Variants in DQX1 observed in about 807,000 individuals in gnomAD.
DQX1 encodes the protein DEAQ-box RNA dependent ATPase 1.
DQX1 carries 66 observed loss-of-function variants against 81.3 expected under a neutral mutation model. That is an observed-to-expected ratio of 0.81 (90% CI 0.67 to 1.00). The LOEUF is 1.00. Among genes scored for constraint, DQX1 ranks in the 50% least tolerant of loss-of-function variants. The pLI is 0.00. For missense variants in DQX1, 798 were observed against 867.9 expected (o/e 0.92, Z 1.01); for synonymous variants, 290 against 350.0 (o/e 0.83, Z 1.91).
rs201543859 is a variant in DQX1, at chr2:74,519,965, G to C, written c.1565C>G (p.Thr522Arg). 1 of 1,614,194 alleles carries C rather than the reference G, an allele frequency of 6.2e-7. No individual in the cohort carries two copies. Among genetic ancestry groups the C allele is most frequent in the Middle Eastern group, 1.6e-4 (1 of 6,062 alleles). The change falls in exon 9 of 12, where the codon ACG becomes AGG. Residue 522 changes from threonine (T) to arginine (R), a missense_variant. Coordinates refer to ENST00000404568, the MANE Select transcript of DQX1 (RefSeq NM_133637.3). ...GATCAGAGAACTGTGGTCACCATCC[G>C]TGTGTTCCAGGGCCCGACGCAGGGC... ...EAALRRALEHTDGDHSSLIQV... is the reference protein window; with the variant it reads ...EAALRRALEHRDGDHSSLIQV...
In DQX1 at chr2:74,518,615, GT is replaced by G; in HGVS notation, c.1998-14del. Reference sequence around the variant, plus strand: ...CAATTCCACCAGCCTAATAGAGAGAGTCATAATTAGATGATCTGCATCTTCT... The same window carrying G: ...CAATTCCACCAGCCTAATAGAGAGAGCATAATTAGATGATCTGCATCTTCT... On this transcript the variant is annotated splice_polypyrimidine_tract_variant and intron_variant, in intron 11 of 11. Coordinates refer to ENST00000404568, the MANE Select transcript of DQX1 (RefSeq NM_133637.3). 1 of 1,612,570 alleles carries G rather than the reference GT, an allele frequency of 6.2e-7. No homozygotes were observed. Among genetic ancestry groups the G allele is most frequent in the Non-Finnish European group, 8.5e-7 (1 of 1,178,772 alleles).
chr2:74,523,986 T>C lies in DQX1; in HGVS notation c.753A>G (p.Ala251=). Residue 251 remains alanine, a synonymous_variant, in exon 4 of 12, where the codon GCA becomes GCG. Coordinates refer to ENST00000404568, the MANE Select transcript of DQX1 (RefSeq NM_133637.3). The part of the protein sequence containing the change: ...PPDRVEAACQ[A]VLELCRKELP... ...GCTCCTTCCGACACAATTCAAGCAC[T>C]GCTTGGCAGGCAGCTTCCACCCGAT... 6.2e-7 allele frequency: 1 copy of C among 1,613,972 alleles called. No individual in the cohort carries two copies. Among genetic ancestry groups the C allele is most frequent in the African/African-American group, 1.3e-5 (1 of 75,054 alleles).
Position 74,523,977 on chromosome 2 carries a change from T to C in DQX1, c.762A>G (p.Glu254=), listed in dbSNP as rs1675107951. 3 of 1,613,240 alleles carry C rather than the reference T, an allele frequency of 1.9e-6. No individual in the cohort carries two copies. The highest frequency in any genetic ancestry group is 2.5e-6 in the Non-Finnish European group (3 of 1,179,316). The change falls in exon 4 of 12, where the codon GAA becomes GAG. Residue 254 remains glutamate, a synonymous_variant. Transcript: ENST00000404568. ...CTCCTGGAAGCTCCTTCCGACACAA[T>C]TCAAGCACTGCTTGGCAGGCAGCTT... ...RVEAACQAVL[E]LCRKELPGDV... is the part of the protein sequence containing the mutation.
chr2:74,522,789 C>T lies in DQX1; in HGVS notation c.1304-18G>A, dbSNP rs774069999. ...TTCTGGAGCTGGTGAGGAAACAGGG[C>T]TTACAGGATATGAAGTTTCAGAACT... is the stretch of plus-strand genomic sequence containing the variant. On this transcript the variant is annotated intron_variant, in intron 7 of 11. Transcript: ENST00000404568. 9.9e-6 allele frequency: 16 copies of T among 1,613,594 alleles called. No individual in the cohort carries two copies. The East Asian group carries it at 3.3e-4, about 34-fold the overall frequency.
rs1674971949 is a variant in DQX1 at position 74,519,579 on chromosome 2, G to A, written c.1783C>T (p.Leu595=). ...EQNRRDLQKA[L]VSGYFLKVAR... is the part of the protein sequence containing the mutation. ...ACCTTGAGAAAGTATCCTGACACCA[G>A]TGCTTTCTGAAGGTCTCTGCGATTC... The change falls in exon 10 of 12, where the codon CTG becomes TTG. Residue 595 remains leucine (L), a synonymous_variant. Transcript: ENST00000404568. 1.2e-6 allele frequency: 2 copies of A among 1,614,218 alleles called. No individual in the cohort carries two copies. The highest frequency in any genetic ancestry group is 1.7e-6 in the Non-Finnish European group (2 of 1,180,038).
chr2:74,522,880 C>T lies in DQX1; in HGVS notation c.1279G>A (p.Glu427Lys). ...CCAGGCTGGTCCAGGAAGTGACACT[C>T]CCCTGGCTCTGCAATCTGTCTCCTT... is the stretch of plus-strand genomic sequence containing the variant. ...LKRRQIAEPGECHFLDQPAPE... is the reference protein window; with the variant it reads ...LKRRQIAEPGKCHFLDQPAPE... Residue 427 changes from glutamate (E) to lysine (K), a missense_variant, in exon 7 of 12, where the codon GAG becomes AAG. Coordinates refer to ENST00000404568, the MANE Select transcript of DQX1 (RefSeq NM_133637.3). 2 of 1,614,064 alleles carry T rather than the reference C, an allele frequency of 1.2e-6. No individual in the cohort carries two copies.
At position 74,525,087 on chromosome 2, in the gene DQX1, T is replaced by C; in HGVS notation, c.353A>G (p.Glu118Gly). The C allele has an allele frequency of 6.2e-7, 1 of 1,614,098 alleles. No individual in the cohort carries two copies. Among genetic ancestry groups the C allele is most frequent in the South Asian group, 1.1e-5 (1 of 91,086 alleles). The change falls in exon 3 of 12, where the codon GAG (glutamate) becomes GGG (glycine). Residue 118 changes from glutamate to glycine, a missense_variant. Physicochemically the swap from Glu to Gly is moderately conservative, Grantham distance 98. Coordinates refer to ENST00000404568, the MANE Select transcript of DQX1 (RefSeq NM_133637.3). The surrounding 1 kb of genome is among the most constrained non-coding windows in gnomAD (Gnocchi z 4.1). ...ARSLALRVAD[E>G]MDLTLGHEVG... Reference sequence around the variant, plus strand: ...CTCATGACCCAGGGTCAGGTCCATCTCATCAGCAACCCGCAGAGCCAGGCT... The same window carrying C: ...CTCATGACCCAGGGTCAGGTCCATCCCATCAGCAACCCGCAGAGCCAGGCT...
chr2:74,524,241 C>T lies in DQX1; in HGVS notation c.498G>A (p.Val166=), dbSNP rs879075787. 6.2e-7 allele frequency: 1 copy of T among 1,614,130 alleles called. No homozygotes were observed. Among genetic ancestry groups the T allele is most frequent in the Admixed American group, 1.7e-5 (1 of 60,024 alleles). The change falls in exon 4 of 12, where the codon GTG becomes GTA. Residue 166 remains valine (V), a synonymous_variant. Transcript: ENST00000404568. ...GCTCCTGAGCCTCATCTAGTACCAGCACGCCCCAGGCTCCAGTGCCTCGGG... is the reference window on the plus strand; with the variant it reads ...GCTCCTGAGCCTCATCTAGTACCAGTACGCCCCAGGCTCCAGTGCCTCGGG... ...ASTRGTGAWG[V]LVLDEAQERS...
Position 74,522,859 on chromosome 2 carries a change from G to A in DQX1, c.1300C>T (p.Pro434Ser), listed in dbSNP as rs757402658. Residue 434 changes from proline (P) to serine (S), a missense_variant, in exon 7 of 12, where the codon CCT becomes TCT. Transcript: ENST00000404568. ...CTTGGGCAGGAGAGGTGCTCACCAGGCTGGTCCAGGAAGTGACACTCCCCT... is the reference window on the plus strand; with the variant it reads ...CTTGGGCAGGAGAGGTGCTCACCAGACTGGTCCAGGAAGTGACACTCCCCT... ...EPGECHFLDQ[P>S]APEALMQALE... 6.2e-7 allele frequency: 1 copy of A among 1,613,584 alleles called. No individual in the cohort carries two copies. Among genetic ancestry groups the A allele is most frequent in the African/African-American group, 1.3e-5 (1 of 74,908 alleles).
At position 74,525,412 on chromosome 2, in the gene DQX1, A is replaced by T. The variant is rs1572986849; in HGVS notation, c.237+81T>A. 6.9e-7 allele frequency: 1 copy of T among 1,444,112 alleles called. No individual in the cohort carries two copies. The highest frequency in any genetic ancestry group is 9.4e-7 in the Non-Finnish European group (1 of 1,065,530). 89.5% of individuals were successfully genotyped at this position (1,444,112 alleles called of 1,614,324 possible). ...GCCCAGTCCCCCCTTGCCCAGGGAA[A>T]GGCCACTTTCCCTTTGTCCTCCCTT... On this transcript the variant is annotated intron_variant, in intron 2 of 11. Coordinates refer to ENST00000404568, the MANE Select transcript of DQX1 (RefSeq NM_133637.3). This position sits in a 1 kb window ranked among gnomAD's most constrained non-coding sequence, Gnocchi z 4.1.
intron 5 of DQX1, 42 bp downstream of exon 5, chr2:74,523,268 T>G (rs1267765704): frequency 6.2e-7 from 1 of 1,614,098 alleles, no homozygotes; most frequent in Non-Finnish European, 8.5e-7. Context: ...GTGGGCCATT[T>G]CTGTCTTTAC....
At position 74,525,592 on chromosome 2, in the gene DQX1, G is replaced by A; in HGVS notation, c.138C>T (p.Pro46=). 6.4e-7 allele frequency: 1 copy of A among 1,552,042 alleles called. No homozygotes were observed. Among genetic ancestry groups the A allele is most frequent in the Non-Finnish European group, 8.7e-7 (1 of 1,147,082 alleles). Residue 46 remains proline (P), a synonymous_variant, in exon 2 of 12, where the codon CCC becomes CCT. Coordinates refer to ENST00000404568, the MANE Select transcript of DQX1 (RefSeq NM_133637.3). The surrounding 1 kb of genome is among the most constrained non-coding windows in gnomAD (Gnocchi z 4.1). ...YELLKQRQAL[P]IWAARFTFLE... The stretch of plus-strand genomic sequence containing the variant: ...AGAAGGTAAAGCGAGCAGCCCAGAT[G>A]GGCAAGGCTTGGCGCTGCTTCAGCA...
chr2:74,523,878 G>C, intron 4 of DQX1, 45 bp downstream of exon 4: 3 of 1,483,394 alleles, frequency 2.0e-6, no homozygotes, highest in Non-Finnish European at 2.7e-6. Context: ...TCCTTTTGCA[G>C]GCTCATTTTG....
At chr2:74,519,362 G>T (rs1182415262) in intron 10 of DQX1, 132 bp from the exon 11 acceptor site, 4 of 1,249,086 alleles carry the variant, frequency 3.2e-6, no homozygotes, top group Admixed American at 2.5e-5. Context: ...TCTAGGTGTT[G>T]TCTGGTCTCT....
rs1434319849 is a variant in DQX1, at chr2:74,519,280, G to A, written c.1807-50C>T. 5.3e-6 allele frequency: 8 copies of A among 1,512,890 alleles called. No individual in the cohort carries two copies. In the Admixed American group the frequency reaches 1.6e-4, roughly 30 times the overall value. The allele number at this position is 1,512,890 out of a possible 1,614,324, so 93.7% of individuals were successfully genotyped here. ...CGGAATAAATAAAAGGGAAGAGGCA[G>A]GCAGTAGAAAAAAATAAAAGGGGAT... On this transcript the variant is annotated intron_variant, in intron 10 of 11. Coordinates refer to ENST00000404568, the MANE Select transcript of DQX1 (RefSeq NM_133637.3).
chr2:74,520,936 G>A (rs1398846870), intron 8 of DQX1, among the ~76,000 whole-genome samples: 1 of 152,166 alleles, frequency 6.6e-6, no homozygotes, highest in South Asian at 2.1e-4. Flanking sequence ...GCCTCCCAAA[G>A]TGCTGAGATT....
chr2:74,519,826 C>G, intron 9 of DQX1, 80 bp from the exon 10 acceptor site: 5 of 1,601,716 alleles, frequency 3.1e-6, no homozygotes, highest in Non-Finnish European at 4.3e-6. Flanking sequence ...AGGGCCTCCT[C>G]TTTCTGAGCA....
In DQX1 at chr2:74,519,764, C is replaced by A. The variant is rs774756227; in HGVS notation, c.1616-18G>T. On this transcript the variant is annotated intron_variant, in intron 9 of 11. Transcript: ENST00000404568. ...TGCTCCACCTAGGAGAGGAAAGGGACCAGCTAAACTAAAGTCCTTGAGACC... is the reference window on the plus strand; with the variant it reads ...TGCTCCACCTAGGAGAGGAAAGGGAACAGCTAAACTAAAGTCCTTGAGACC... 1.2e-6 allele frequency: 2 copies of A among 1,613,528 alleles called. No individual in the cohort carries two copies. The highest frequency in any genetic ancestry group is 2.7e-5 in the African/African-American group (2 of 75,018).
At chr2:74,518,724 G>A (rs1674951269) in intron 11 of DQX1, 122 bp from the exon 12 acceptor site, 2 of 968,714 alleles carry the variant, frequency 2.1e-6, no homozygotes, top group Non-Finnish European at 3.1e-6. Flanking sequence ...ATAACTCACT[G>A]TAGCCTTAGA....
Sources: gnomAD v4.1 joint callset for allele counts (sites outside exome capture counted in the v4.1 genomes callset) on GRCh38, gnomAD v4.1.1 for gene constraint, Gnocchi (gnomAD v3.1) non-coding constraint, MANE v1.5 for transcripts, NCBI Gene and HGNC (gene_info 2026-07-23, HGNC 2026-07-21) for gene names.